DNAJC3: variants seen among roughly 807,000 people sequenced by gnomAD.
DNAJC3 encodes the protein dnaJ homolog subfamily C member 3.
A neutral mutation model predicts 68.6 loss-of-function variants in DNAJC3; 38 were observed. That is an observed-to-expected ratio of 0.55 (90% confidence interval 0.43 to 0.73). The LOEUF is 0.73. Among genes scored for constraint, DNAJC3 ranks in the 30% least tolerant of loss-of-function variants. The pLI, the probability that DNAJC3 is intolerant of heterozygous loss-of-function variation, is 0.00. For synonymous variants in DNAJC3, 203 were observed against 204.0 expected (o/e 1.00, Z 0.04); for missense variants, 526 against 591.9 (o/e 0.89, Z 1.16).
At chr13:95,687,160 T>C (rs1012007195) in intron 1 of DNAJC3, among the ~76,000 whole-genome samples, 3 of 152,206 alleles carry the variant, frequency 2.0e-5, no homozygotes, top group Non-Finnish European at 2.9e-5. Context: ...GAATTCTTGA[T>C]TTGGTTTTTG....
At position 95,794,972 on chromosome 13, in the gene DNAJC3, T is replaced by G. The variant is rs1195253039; in HGVS notation, c.*3942T>G. 6.6e-6 allele frequency: 1 copy of G among 152,246 alleles called. No homozygotes were observed. Among genetic ancestry groups the G allele is most frequent in the Admixed American group, 6.5e-5 (1 of 15,286 alleles). 9.4% of individuals were successfully genotyped at this position (152,246 alleles called of 1,614,324 possible). A position where few individuals can be genotyped will look rare whatever the true frequency, so the allele number is the denominator to read the frequency against. On this transcript the variant is annotated 3_prime_UTR_variant, in exon 12 of 12. Transcript: ENST00000602402. ...GTATTTTCACATTTAATAAAAATAT[T>G]TATGGTCATATCAGTATTTCCTTGC...
intron 1 of DNAJC3, among the ~76,000 whole-genome samples, chr13:95,688,078 T>G (rs1259727922): frequency 2.0e-5 from 3 of 152,224 alleles, no homozygotes; most frequent in Admixed American, 6.5e-5. Context: ...GGCTCTCAGC[T>G]TGAATGTTGT....
intron 11 of DNAJC3, among the ~76,000 whole-genome samples, chr13:95,788,478 T>C (rs1033658535): frequency 6.6e-6 from 1 of 152,270 alleles, no homozygotes; most frequent in Admixed American, 6.5e-5. Context: ...GGATGAACTA[T>C]CTTTTCTTTT....
Position 95,725,139 on chromosome 13 carries a change from A to G in DNAJC3, c.319-39A>G, listed in dbSNP as rs773944486. On this transcript the variant is annotated intron_variant, in intron 3 of 11. Coordinates refer to ENST00000602402, the MANE Select transcript of DNAJC3 (RefSeq NM_006260.5). ...GTGTTTAAAAAAGATTTAGAAATCTATAATATTCAAGATAATCCTCTGCCC... is the reference window on the plus strand; with the variant it reads ...GTGTTTAAAAAAGATTTAGAAATCTGTAATATTCAAGATAATCCTCTGCCC... 39 of 1,363,646 alleles carry G rather than the reference A, an allele frequency of 2.9e-5. 1 individual carries two copies. Among genetic ancestry groups the G allele is most frequent in the Middle Eastern group, 3.8e-4 (2 of 5,282 alleles). The allele number at this position is 1,363,646 out of a possible 1,614,324, so 84.5% of individuals were successfully genotyped here.
intron 1 of DNAJC3, among the ~76,000 whole-genome samples, chr13:95,707,211 C>G (rs1880784195): frequency 6.6e-6 from 1 of 152,156 alleles, no homozygotes; most frequent in Non-Finnish European, 1.5e-5. Flanking sequence ...TGACAGGAAG[C>G]AGAGCTCAGG....
intron 1 of DNAJC3, among the ~76,000 whole-genome samples, chr13:95,705,239 G>C (rs765296189): frequency 1.3e-5 from 2 of 152,138 alleles, no homozygotes; most frequent in Admixed American, 6.5e-5. Flanking sequence ...GCTTAGATAT[G>C]ATGGAGAAGG....
chr13:95,759,257 T>G (rs1882751440), intron 5 of DNAJC3, among the ~76,000 whole-genome samples: 1 of 152,212 alleles, frequency 6.6e-6, no homozygotes, highest in Non-Finnish European at 1.5e-5. Flanking sequence ...TCTTTCTTTT[T>G]CTTGATATGA....
chr13:95,682,603 T>G (rs370649798), intron 1 of DNAJC3, among the ~76,000 whole-genome samples: 7 of 152,196 alleles, frequency 4.6e-5, no homozygotes, highest in African/African-American at 1.7e-4. Flanking sequence ...TGCTGACTTA[T>G]GATCACTGCT....
At chr13:95,704,832 G>A (rs1880677305) in intron 1 of DNAJC3, among the ~76,000 whole-genome samples, 1 of 127,702 alleles carries the variant, frequency 7.8e-6, no homozygotes, top group African/African-American at 3.7e-5. Flanking sequence ...TTTTAGAAAG[G>A]ACTAATCTGT....
intron 1 of DNAJC3, among the ~76,000 whole-genome samples, chr13:95,704,849 G>GTTTTTTTTTTTT (rs1292968162): frequency 1.9e-5 from 2 of 102,884 alleles, no homozygotes; most frequent in Admixed American, 9.5e-5. Context: ...CTGTGTGTGT[G>GTTTTTTTTTTTT]TGTTTTTTTT....
At chr13:95,756,197 C>G (rs539634611) in intron 4 of DNAJC3, among the ~76,000 whole-genome samples, 104 of 152,324 alleles carry the variant, frequency 6.8e-4, no homozygotes, top group African/African-American at 2.4e-3. Context: ...AACTTTTACC[C>G]AGAGCAAAGT....
At chr13:95,694,922 C>T (rs1217675651) in intron 1 of DNAJC3, 2 of 152,628 alleles carry the variant, frequency 1.3e-5, no homozygotes, top group Admixed American at 1.3e-4. Flanking sequence ...CTGGTATTAT[C>T]CTCCTACTCA....
intron 4 of DNAJC3, among the ~76,000 whole-genome samples, chr13:95,726,541 A>T (rs73550588): frequency 2.6e-5 from 4 of 152,158 alleles, no homozygotes; most frequent in African/African-American, 9.7e-5. Flanking sequence ...ACACATTCTT[A>T]AAAGGGAATT....
intron 1 of DNAJC3, among the ~76,000 whole-genome samples, chr13:95,708,281 G>A (rs897264843): frequency 9.2e-5 from 14 of 152,200 alleles, no homozygotes; most frequent in Non-Finnish European, 1.9e-4. Context: ...TGCAGTGCAG[G>A]TACCGAAGGA....
chr13:95,682,228 C>G lies in DNAJC3; in HGVS notation c.82+4891C>G, dbSNP rs189795011. Among the ~76,000 whole-genome samples, 22 of 152,302 alleles carry G rather than the reference C, an allele frequency of 1.4e-4. No individual in the cohort carries two copies. In the East Asian group the frequency reaches 3.9e-3, roughly 27 times the overall value. On this transcript the variant is annotated intron_variant, in intron 1 of 11. Coordinates refer to ENST00000602402, the MANE Select transcript of DNAJC3 (RefSeq NM_006260.5). Reference sequence around the variant, plus strand: ...ACAAGACTTCTTTTAGACTCTACCCCACCTTGCTAGAGTCTTGGCTTAGCC... The same window carrying G: ...ACAAGACTTCTTTTAGACTCTACCCGACCTTGCTAGAGTCTTGGCTTAGCC...
At position 95,760,134 on chromosome 13, in the gene DNAJC3, C is replaced by T. The variant is rs776226684; in HGVS notation, c.641C>T (p.Ala214Val). Residue 214 changes from alanine (A) to valine (V), a missense_variant, in exon 6 of 12, where the codon GCG becomes GTG. By Grantham distance (64) the Ala-to-Val change is moderately conservative. Transcript: ENST00000602402. Reference sequence around the variant, plus strand: ...AAAGCTATAAGTGACTTAAAAGCTGCGTCAAAGTTGAAGAATGATAATACT... The same window carrying T: ...AAAGCTATAAGTGACTTAAAAGCTGTGTCAAAGTTGAAGAATGATAATACT... Reference protein sequence around the residue: ...PRKAISDLKAASKLKNDNTEA... With the variant: ...PRKAISDLKAVSKLKNDNTEA... The T allele has an allele frequency of 9.4e-5, 151 of 1,612,506 alleles. No homozygotes were observed. The highest frequency in any genetic ancestry group is 1.2e-4 in the Non-Finnish European group (141 of 1,179,172).
intron 1 of DNAJC3, among the ~76,000 whole-genome samples, chr13:95,688,627 G>A (rs1270393971): frequency 2.0e-5 from 3 of 151,550 alleles, no homozygotes; most frequent in Non-Finnish European, 4.4e-5. Context: ...TGATTCTTGT[G>A]CCTCAGCCTC....
At chr13:95,725,119 T>TA in intron 3 of DNAJC3, 59 bp from the exon 4 acceptor site, 1 of 1,199,868 alleles carries the variant, frequency 8.3e-7, no homozygotes, top group Non-Finnish European at 1.1e-6. Flanking sequence ...TCTTCGTGTT[T>TA]AAAAAAGATT....
chr13:95,762,299 TCAGGTCCTCTGGCTAGA>T (rs1192607645), intron 7 of DNAJC3, among the ~76,000 whole-genome samples: 1 of 152,132 alleles, frequency 6.6e-6, no homozygotes, highest in African/African-American at 2.4e-5. Context: ...TCTGTCCTTT[TCAGGTCCTCTGGCTAGA>T]CAGAGCAGAC....
Sources: gnomAD v4.1 joint callset for allele counts (sites outside exome capture counted in the v4.1 genomes callset) on GRCh38, gnomAD v4.1.1 for gene constraint, MANE v1.5 for transcripts, NCBI Gene and HGNC (gene_info 2026-07-23, HGNC 2026-07-21) for gene names.